The following MYT1L variants were observed in gnomAD, a reference collection of about 807,000 sequenced individuals.
The protein encoded by MYT1L is myelin transcription factor 1-like protein.
In MYT1L, 12 loss-of-function variants were observed where a neutral mutation model predicts 126.7. The observed-to-expected ratio is 0.09, with a 90% CI of 0.06 to 0.15. The LOEUF (loss-of-function observed/expected upper bound fraction) is 0.15, where lower values mean the gene tolerates loss of function less well. Among genes scored for constraint, MYT1L ranks in the 10% least tolerant of loss-of-function variants. MYT1L has a pLI of 1.00. For missense variants in MYT1L, 979 were observed against 1,585.2 expected (o/e 0.62, Z 6.49); for synonymous variants, 541 against 604.2 (o/e 0.90, Z 1.53).
intron 21 of MYT1L, chr2:1,809,747 A>G (rs747304319): frequency 2.0e-5 from 3 of 152,610 alleles, no homozygotes; most frequent in Non-Finnish European, 2.9e-5. Context: ...TTCTAGTATC[A>G]GCAGCTATTC....
At chr2:1,846,076 G>A (rs2042454603) in intron 19 of MYT1L, among the ~76,000 whole-genome samples, 1 of 152,186 alleles carries the variant, frequency 6.6e-6, no homozygotes. Flanking sequence ...TATCTTTCAG[G>A]TCAGATTCCC....
intron 2 of MYT1L, among the ~76,000 whole-genome samples, chr2:2,207,338 C>T (rs531742521): frequency 7.9e-5 from 12 of 152,286 alleles, no homozygotes; most frequent in African/African-American, 2.9e-4. Context: ...ACCCAACACA[C>T]TGATTAGAAG....
At chr2:2,262,563 G>C (rs1305194082) in intron 2 of MYT1L, among the ~76,000 whole-genome samples, 1 of 151,302 alleles carries the variant, frequency 6.6e-6, no homozygotes. Flanking sequence ...CATGGTGGCG[G>C]GCACCTGTGG....
chr2:2,013,678 C>A (rs1015840120), intron 4 of MYT1L, among the ~76,000 whole-genome samples: 1 of 152,202 alleles, frequency 6.6e-6, no homozygotes, highest in African/African-American at 2.4e-5. Context: ...AGGCATGCTG[C>A]CACCAACTCC....
chr2:2,163,569 CAA>C lies in MYT1L; in HGVS notation c.-304+9301_-304+9302del, dbSNP rs576334004. On this transcript the variant is annotated intron_variant, in intron 3 of 24. Transcript: ENST00000647738. ...TGAAACCCCATCTCTAATAAAAATA[CAA>C]AAAAAAAAAAATTAGCGGGGTGCGG... Among the ~76,000 whole-genome samples, 36 of 138,152 alleles carry C rather than the reference CAA, an allele frequency of 2.6e-4. 2 individuals carry two copies. Among genetic ancestry groups the C allele is most frequent in the African/African-American group, 8.1e-4 (31 of 38,068 alleles). 90.6% of individuals were successfully genotyped at this position (138,152 alleles called of 152,430 possible).
chr2:1,839,511 A>C (rs2041366615), intron 20 of MYT1L, 141 bp from the exon 21 acceptor site: 1 of 733,436 alleles, frequency 1.4e-6, no homozygotes, highest in South Asian at 1.9e-5. Flanking sequence ...AAGAAAAAAG[A>C]GAAAGAAAGA....
chr2:1,854,749 C>T (rs573560326), intron 18 of MYT1L, among the ~76,000 whole-genome samples: 3 of 152,244 alleles, frequency 2.0e-5, no homozygotes, highest in East Asian at 1.9e-4. Flanking sequence ...ACTTGCTAGC[C>T]GCGTGAATGA....
At chr2:2,015,475 C>A (rs1036528579) in intron 4 of MYT1L, among the ~76,000 whole-genome samples, 3 of 152,158 alleles carry the variant, frequency 2.0e-5, no homozygotes, top group Non-Finnish European at 4.4e-5. Context: ...CATGCCTGCA[C>A]CTTCTGGGCT....
chr2:1,988,237 C>T (rs1162239770), intron 5 of MYT1L, among the ~76,000 whole-genome samples: 1 of 152,200 alleles, frequency 6.6e-6, no homozygotes, highest in Non-Finnish European at 1.5e-5. Context: ...CCCAGCTGCA[C>T]CTCCGGGGTG....
chr2:2,252,498 T>G (rs1390381137), intron 2 of MYT1L, among the ~76,000 whole-genome samples: 1 of 152,214 alleles, frequency 6.6e-6, no homozygotes, highest in African/African-American at 2.4e-5. Flanking sequence ...CAGGGATGGC[T>G]CCTCAGAGGG....
intron 2 of MYT1L, among the ~76,000 whole-genome samples, chr2:2,226,849 C>T (rs2094023383): frequency 6.6e-6 from 1 of 152,164 alleles, no homozygotes; most frequent in Non-Finnish European, 1.5e-5. Flanking sequence ...CTTCATGGTC[C>T]TTCTTCAACC....
rs542443280 is a variant in MYT1L at position 2,006,980 on chromosome 2, A to G, written c.-157-9633T>C. The stretch of plus-strand genomic sequence containing the variant: ...TTACGTAGTATAATATTTTCTGGGT[A>G]TATCTATATTGTGGCAAATAGCAGG... On this transcript the variant is annotated intron_variant, in intron 4 of 24. Coordinates refer to ENST00000647738, the MANE Select transcript of MYT1L (RefSeq NM_001303052.2). Among the ~76,000 whole-genome samples, 4 of 152,110 alleles carry G rather than the reference A, an allele frequency of 2.6e-5. No individual in the cohort carries two copies. The East Asian group carries it at 7.7e-4, about 29-fold the overall frequency.
chr2:2,220,825 C>G (rs2148981966), intron 2 of MYT1L, among the ~76,000 whole-genome samples: 1 of 151,948 alleles, frequency 6.6e-6, no homozygotes, highest in Non-Finnish European at 1.5e-5. Flanking sequence ...GTCCCCAGAC[C>G]CCTTAGATAG....
At chr2:2,233,049 C>A (rs1321045043) in intron 2 of MYT1L, among the ~76,000 whole-genome samples, 1 of 152,220 alleles carries the variant, frequency 6.6e-6, no homozygotes, top group Non-Finnish European at 1.5e-5. Context: ...GCCCAGCCTG[C>A]ATTAAGCACT....
At position 1,819,224 on chromosome 2, in the gene MYT1L, G is replaced by A. The variant is rs76628271; in HGVS notation, c.3081-10057C>T. On this transcript the variant is annotated intron_variant, in intron 21 of 24. Coordinates refer to ENST00000647738, the MANE Select transcript of MYT1L (RefSeq NM_001303052.2). The stretch of plus-strand genomic sequence containing the variant: ...AGGAGAAGAAGGCCTGAGAAGAGAC[G>A]TTTTGAAGAGCCACTTCCATAGGTC... 8.3e-3 allele frequency among the ~76,000 whole-genome samples: 1,260 copies of A among 152,294 alleles called. 19 individuals are homozygous for A. Among genetic ancestry groups the A allele is most frequent in the African/African-American group, 0.029 (1,197 of 41,556 alleles).
intron 2 of MYT1L, among the ~76,000 whole-genome samples, chr2:2,203,502 C>A (rs2148842946): frequency 6.6e-6 from 1 of 151,740 alleles, no homozygotes; most frequent in South Asian, 2.1e-4. Flanking sequence ...AGTGAACTCC[C>A]ATTCACAGTT....
At chr2:2,268,747 C>T (rs2095195862) in intron 2 of MYT1L, among the ~76,000 whole-genome samples, 1 of 152,104 alleles carries the variant, frequency 6.6e-6, no homozygotes, top group Non-Finnish European at 1.5e-5. Flanking sequence ...CAGTTGTTAA[C>T]CCTGAGCTGC....
At chr2:2,193,072 T>C (rs1184969330) in intron 2 of MYT1L, among the ~76,000 whole-genome samples, 3 of 152,110 alleles carry the variant, frequency 2.0e-5, no homozygotes, top group African/African-American at 7.2e-5. Context: ...GTGATTCTCC[T>C]GCCTCAGTGA....
At chr2:2,297,862 C>G (rs1041956083) in intron 1 of MYT1L, among the ~76,000 whole-genome samples, 3 of 152,224 alleles carry the variant, frequency 2.0e-5, no homozygotes, top group Non-Finnish European at 1.5e-5. Flanking sequence ...CTCTCCCTCT[C>G]TCCCACAAAA....
Sources: gnomAD v4.1 joint callset for allele counts (sites outside exome capture counted in the v4.1 genomes callset) on GRCh38, gnomAD v4.1.1 for gene constraint, MANE v1.5 for transcripts, NCBI Gene and HGNC (gene_info 2026-07-23, HGNC 2026-07-21) for gene names.